ZBTB44: variants seen among roughly 807,000 people sequenced by gnomAD.
ZBTB44 encodes the protein zinc finger and BTB domain-containing protein 44.
Under a neutral mutation model 54.0 loss-of-function variants are expected in ZBTB44, and 15 were observed. The observed-to-expected ratio is 0.28, with a 90% CI of 0.19 to 0.43. The LOEUF is 0.43. ZBTB44 is among the 20% of genes least tolerant of loss of function. The pLI is 1.00. For missense variants in ZBTB44, 487 were observed against 707.1 expected (o/e 0.69, Z 3.53); for synonymous variants, 230 against 250.1 (o/e 0.92, Z 0.76).
intron 1 of ZBTB44, among the ~76,000 whole-genome samples, chr11:130,298,810 C>T (rs1418084616): frequency 8.5e-6 from 1 of 117,056 alleles, no homozygotes; most frequent in Non-Finnish European, 1.7e-5. Flanking sequence ...AGAACTGAAC[C>T]ACACAGACAC....
intron 1 of ZBTB44, among the ~76,000 whole-genome samples, chr11:130,278,468 T>G (rs1207513224): frequency 6.6e-6 from 1 of 152,130 alleles, no homozygotes; most frequent in Admixed American, 6.5e-5. Context: ...GTATGGGAAG[T>G]TTTCTGCCAC....
At chr11:130,235,080 T>C (rs1954049880) in intron 5 of ZBTB44, among the ~76,000 whole-genome samples, 1 of 117,828 alleles carries the variant, frequency 8.5e-6, no homozygotes, top group Non-Finnish European at 1.8e-5. Context: ...AGAGGCTTTA[T>C]TTAAATCTTT....
intron 1 of ZBTB44, among the ~76,000 whole-genome samples, chr11:130,305,957 T>A (rs909212506): frequency 6.6e-6 from 1 of 151,524 alleles, no homozygotes; most frequent in Admixed American, 6.6e-5. Flanking sequence ...AAAAAAAACA[T>A]AGACAATTCT....
At chr11:130,304,926 T>G (rs1028151887) in intron 1 of ZBTB44, among the ~76,000 whole-genome samples, 2 of 152,144 alleles carry the variant, frequency 1.3e-5, no homozygotes, top group Admixed American at 1.3e-4. Flanking sequence ...ACAAAATTAA[T>G]GTACACAAAT....
intron 2 of ZBTB44, among the ~76,000 whole-genome samples, chr11:130,257,389 T>C (rs753838524): frequency 1.3e-5 from 2 of 152,168 alleles, no homozygotes; most frequent in Non-Finnish European, 2.9e-5. Flanking sequence ...ATGACTGGTG[T>C]CCTTTTAGGG....
At chr11:130,312,574 A>G (rs1305762085) in intron 1 of ZBTB44, among the ~76,000 whole-genome samples, 4 of 152,224 alleles carry the variant, frequency 2.6e-5, no homozygotes, top group African/African-American at 4.8e-5. Context: ...GAATGTGGGT[A>G]TATTTTACAA....
At chr11:130,236,014 A>C (rs2136272892) in intron 5 of ZBTB44, 1 of 973,522 alleles carries the variant, frequency 1.0e-6, no homozygotes, top group East Asian at 7.8e-5. Flanking sequence ...TTTATGAGAA[A>C]CTAAGGATTC....
intron 4 of ZBTB44, among the ~76,000 whole-genome samples, chr11:130,237,808 G>A (rs555418695): frequency 1.3e-5 from 2 of 152,264 alleles, no homozygotes; most frequent in Non-Finnish European, 2.9e-5. Context: ...AGTAACTCAC[G>A]CAGCTGAAAA....
chr11:130,255,527 T>C (rs1938359866), intron 2 of ZBTB44, among the ~76,000 whole-genome samples: 1 of 152,022 alleles, frequency 6.6e-6, no homozygotes, highest in Non-Finnish European at 1.5e-5. Context: ...ATTCAAAAGC[T>C]AGCAGAAGAC....
At chr11:130,291,846 A>G (rs1457757807) in intron 1 of ZBTB44, among the ~76,000 whole-genome samples, 8 of 152,220 alleles carry the variant, frequency 5.3e-5, no homozygotes, top group Non-Finnish European at 1.2e-4. Flanking sequence ...TGCATAGTGG[A>G]CAATTTGATG....
At chr11:130,235,071 G>C (rs1383400045) in intron 5 of ZBTB44, among the ~76,000 whole-genome samples, 1 of 148,902 alleles carries the variant, frequency 6.7e-6, no homozygotes, top group Admixed American at 6.6e-5. Flanking sequence ...TCTTATCTTA[G>C]AGGCTTTATT....
At position 130,231,279 on chromosome 11, in the gene ZBTB44, T is replaced by C. The variant is rs937051492; in HGVS notation, c.*485A>G. 1.3e-5 allele frequency: 2 copies of C among 152,058 alleles called. No individual in the cohort carries two copies. Among genetic ancestry groups the C allele is most frequent in the African/African-American group, 4.8e-5 (2 of 41,416 alleles). 9.4% of individuals were successfully genotyped at this position (152,058 alleles called of 1,614,324 possible). A position where few individuals can be genotyped will look rare whatever the true frequency, so the allele number is the denominator to read the frequency against. ...ACAGATCCAATATCCTTAAAGTACA[T>C]ATATATCAAGAAAAATGTACCCTCA... On this transcript the variant is annotated 3_prime_UTR_variant, in exon 8 of 8. Transcript: ENST00000357899.
At chr11:130,287,883 T>C (rs1157061700) in intron 1 of ZBTB44, among the ~76,000 whole-genome samples, 2 of 150,396 alleles carry the variant, frequency 1.3e-5, no homozygotes, top group Non-Finnish European at 3.0e-5. Flanking sequence ...AATTAAAACT[T>C]AGAAATTTAA....
intron 4 of ZBTB44, among the ~76,000 whole-genome samples, chr11:130,237,318 T>C (rs1240064836): frequency 1.3e-5 from 2 of 152,218 alleles, no homozygotes; most frequent in Non-Finnish European, 2.9e-5. Flanking sequence ...GGAGGCAAAC[T>C]AGGTAACGTC....
Position 130,261,373 on chromosome 11 carries a change from G to A in ZBTB44, c.501C>T (p.Cys167=). 6.2e-7 allele frequency: 1 copy of A among 1,613,928 alleles called. No individual in the cohort carries two copies. Among genetic ancestry groups the A allele is most frequent in the Non-Finnish European group, 8.5e-7 (1 of 1,179,892 alleles). The change falls in exon 2 of 8, where the codon TGC becomes TGT. Residue 167 remains cysteine, a synonymous_variant. Transcript: ENST00000357899. The surrounding 1 kb of genome is among the most constrained non-coding windows in gnomAD (Gnocchi z 4.8). ...CAGGAATGGTTCTTTCTACCACACT[G>A]CACTCTGAGGACACGGGAGAAATGC... ...DGSISPVSSE[C]SVVERTIPVC...
At chr11:130,259,384 A>C (rs1938682406) in intron 2 of ZBTB44, among the ~76,000 whole-genome samples, 1 of 152,230 alleles carries the variant, frequency 6.6e-6, no homozygotes, top group Non-Finnish European at 1.5e-5. Flanking sequence ...CCATTGTGGA[A>C]GACAGTGTGG....
chr11:130,292,843 C>A (rs916080284), intron 1 of ZBTB44, among the ~76,000 whole-genome samples: 2 of 152,014 alleles, frequency 1.3e-5, no homozygotes, highest in Non-Finnish European at 2.9e-5. Flanking sequence ...TACAACTCAC[C>A]CACCCCACCA....
intron 1 of ZBTB44, among the ~76,000 whole-genome samples, chr11:130,307,091 G>T (rs1452849739): frequency 6.7e-6 from 1 of 148,182 alleles, no homozygotes; most frequent in East Asian, 2.0e-4. Context: ...AAAAATTATA[G>T]TTGAATACCT....
At chr11:130,284,758 C>T (rs978216269) in intron 1 of ZBTB44, among the ~76,000 whole-genome samples, 1 of 152,068 alleles carries the variant, frequency 6.6e-6, no homozygotes, top group South Asian at 2.1e-4. Context: ...CCCAGCTACT[C>T]TGGAGACTGA....
Sources: gnomAD v4.1 joint callset for allele counts (sites outside exome capture counted in the v4.1 genomes callset) on GRCh38, gnomAD v4.1.1 for gene constraint, Gnocchi (gnomAD v3.1) non-coding constraint, MANE v1.5 for transcripts, NCBI Gene and HGNC (gene_info 2026-07-23, HGNC 2026-07-21) for gene names.